MADD: variants seen among roughly 807,000 people sequenced by gnomAD.
The protein encoded by MADD is MAP kinase activating death domain.
MADD carries 109 observed loss-of-function variants against 176.7 expected under a neutral mutation model. The ratio of observed to expected loss-of-function variants is 0.62; its 90% CI spans 0.53 to 0.72. MADD has a LOEUF of 0.72. Ranked by LOEUF, MADD falls within the 30% of genes least tolerant of loss-of-function variation. MADD has a pLI of 0.00. For synonymous variants in MADD, 771 were observed against 771.3 expected (o/e 1.00, Z 0.01); for missense variants, 1,914 against 2,045.5 (o/e 0.94, Z 1.24).
intron 27 of MADD, among the ~76,000 whole-genome samples, chr11:47,318,021 C>T (rs981880818): frequency 5.3e-5 from 8 of 152,088 alleles, no homozygotes; most frequent in Admixed American, 2.0e-4. Context: ...CCACCCACCT[C>T]GGCCTCCCAA....
chr11:47,273,940 C>G lies in MADD; in HGVS notation c.26C>G (p.Pro9Arg), dbSNP rs147932873. 5.6e-6 allele frequency: 9 copies of G among 1,613,902 alleles called. No homozygotes were observed. The African/African-American group carries it at 1.2e-4, about 22-fold the overall frequency. The change falls in exon 2 of 33, where the codon CCT becomes CGT. Residue 9 changes from proline to arginine, a missense_variant. Physicochemically the swap from Pro to Arg is moderately radical, Grantham distance 103. Transcript: ENST00000402192. ...ATGGTGCAAAAGAAGAAGTTCTGTCCTCGGTTACTTGACTATCTAGTGATC... is the reference window on the plus strand; with the variant it reads ...ATGGTGCAAAAGAAGAAGTTCTGTCGTCGGTTACTTGACTATCTAGTGATC...
chr11:47,300,747 C>T (rs1466387700), intron 22 of MADD, among the ~76,000 whole-genome samples: 1 of 152,180 alleles, frequency 6.6e-6, no homozygotes, highest in Non-Finnish European at 1.5e-5. Flanking sequence ...ATCTGCCCGC[C>T]TCAGCCTCCC....
chr11:47,313,301 A>G (rs1386104822), intron 26 of MADD, among the ~76,000 whole-genome samples: 1 of 150,918 alleles, frequency 6.6e-6, no homozygotes, highest in Admixed American at 6.6e-5. Flanking sequence ...GTGAAACACT[A>G]TTTTCTTTCT....
At chr11:47,282,789 C>A in intron 9 of MADD, 24 bp from the exon 10 acceptor site, 1 of 1,607,418 alleles carries the variant, frequency 6.2e-7, no homozygotes, top group Non-Finnish European at 8.5e-7. Context: ...TGCTGACTTT[C>A]TGTTCTTTTC....
chr11:47,320,181 G>C (rs1290940714), intron 27 of MADD, among the ~76,000 whole-genome samples: 1 of 151,726 alleles, frequency 6.6e-6, no homozygotes, highest in Non-Finnish European at 1.5e-5. Flanking sequence ...CTCATGCTGG[G>C]TGTGGTGGCT....
At chr11:47,317,800 T>A (rs1400996194) in intron 27 of MADD, among the ~76,000 whole-genome samples, 5 of 151,648 alleles carry the variant, frequency 3.3e-5, no homozygotes, top group African/African-American at 1.2e-4. Context: ...AGACAGAGTC[T>A]CTCTCTATCG....
At chr11:47,327,637 C>T (rs1048195269) in intron 31 of MADD, 1 of 985,442 alleles carries the variant, frequency 1.0e-6, no homozygotes, top group Non-Finnish European at 1.2e-6. Flanking sequence ...GTGTTCCCTT[C>T]TCTCTTCTGT....
At chr11:47,288,883 A>T in intron 15 of MADD, 85 bp from the exon 16 acceptor site, 1 of 992,996 alleles carries the variant, frequency 1.0e-6, no homozygotes, top group Non-Finnish European at 1.5e-6. Flanking sequence ...GAGAATGCTC[A>T]GATTATCTGG....
intron 30 of MADD, 41 bp from the exon 35 acceptor site, chr11:47,326,697 A>G: frequency 6.2e-7 from 1 of 1,604,752 alleles, no homozygotes; most frequent in Middle Eastern, 1.7e-4. Flanking sequence ...GCAGGGGTGG[A>G]GCCTGTGGGC....
At chr11:47,329,406 G>A (rs2095807878) in exon 33 of MADD, 1 of 518,916 alleles carries the variant, frequency 1.9e-6, no homozygotes, top group Non-Finnish European at 3.5e-6. Flanking sequence ...AGTCTGTGGG[G>A]CCGGTGTGAA....
At chr11:47,276,829 C>A (rs370382902) in exon 5 of MADD, 9 of 1,614,162 alleles carry the variant, frequency 5.6e-6, no homozygotes, top group Non-Finnish European at 7.6e-6. Flanking sequence ...CCTGTCATCC[C>A]GCTGCTACCC....
intron 10 of MADD, among the ~76,000 whole-genome samples, chr11:47,283,431 C>T (rs1395136813): frequency 6.6e-6 from 1 of 151,688 alleles, no homozygotes; most frequent in Non-Finnish European, 1.5e-5. Context: ...CAGAGTCTTG[C>T]TGCTCTGTCA....
chr11:47,309,753 T>C (rs1019545696), intron 25 of MADD, 141 bp downstream of exon 28: 48 of 632,700 alleles, frequency 7.6e-5, no homozygotes, highest in South Asian at 4.8e-4. Flanking sequence ...GTCTGAGGCC[T>C]CTCTGCCAGC....
chr11:47,293,556 G>C lies in MADD; in HGVS notation c.3302-327G>C, dbSNP rs111362715. On this transcript the variant is annotated intron_variant, in intron 19 of 32. Transcript: ENST00000402192. ...GACTTCAGGTGATCTACCTGCCTCA[G>C]CCTCCCAAAGTGCTGGGATTACAGT... Among the ~76,000 whole-genome samples, 989 of 152,196 alleles carry C rather than the reference G, an allele frequency of 6.5e-3. 12 individuals are homozygous for C. Among genetic ancestry groups the C allele is most frequent in the African/African-American group, 0.023 (945 of 41,512 alleles).
rs2057110834 is a variant in MADD at position 47,281,870 on chromosome 11, T to G, written c.1469+117T>G. 2.1e-5 allele frequency: 13 copies of G among 617,112 alleles called. No individual in the cohort carries two copies. In the South Asian group the frequency reaches 4.8e-4, roughly 23 times the overall value. 38.2% of individuals were successfully genotyped at this position (617,112 alleles called of 1,614,324 possible). ...GGTTCCTTTTTTTTTTGAGATAGAT[T>G]CTCACTCTTGTTGGAGTGCAATGGC... is the stretch of plus-strand genomic sequence containing the variant. On this transcript the variant is annotated intron_variant, in intron 8 of 32. Transcript: ENST00000402192.
chr11:47,322,444 T>TA (rs372162093), intron 27 of MADD, among the ~76,000 whole-genome samples: 5,078 of 152,020 alleles, frequency 0.033, 121 homozygotes, highest in South Asian at 0.12. Flanking sequence ...CGTCTCTACT[T>TA]AAAAAAATAT....
chr11:47,328,775 G>A, intron 32 of MADD, 71 bp downstream of exon 36: 1 of 1,598,640 alleles, frequency 6.3e-7, no homozygotes, highest in Non-Finnish European at 8.6e-7. Context: ...GACAGGAGGA[G>A]GGGAGGGCCC....
chr11:47,301,073 T>C lies in MADD; in HGVS notation c.3642+5018T>C, dbSNP rs1346984966. ...TCTAGCTCTAATGGTTTGTGGATTTTGTTTATCTTTACAAAGATGAACTTT... is the reference window on the plus strand; with the variant it reads ...TCTAGCTCTAATGGTTTGTGGATTTCGTTTATCTTTACAAAGATGAACTTT... On this transcript the variant is annotated intron_variant, in intron 22 of 32. Coordinates refer to ENST00000402192, the Ensembl canonical transcript of MADD. Among the ~76,000 whole-genome samples, 7 of 151,968 alleles carry C rather than the reference T, an allele frequency of 4.6e-5. 1 individual carries two copies.
At chr11:47,273,499 C>T (rs915709687) in intron 1 of MADD, among the ~76,000 whole-genome samples, 16 of 152,108 alleles carry the variant, frequency 1.1e-4, no homozygotes, top group African/African-American at 2.4e-4. Flanking sequence ...CCACCACACC[C>T]GGCTAATTTT....
Sources: gnomAD v4.1 joint callset for allele counts (sites outside exome capture counted in the v4.1 genomes callset) on GRCh38, gnomAD v4.1.1 for gene constraint, MANE v1.5 for transcripts, NCBI Gene and HGNC (gene_info 2026-07-23, HGNC 2026-07-21) for gene names.